Variants in CALN1 observed in about 807,000 individuals in gnomAD.
The protein encoded by CALN1 is calcium-binding protein 8.
In CALN1, 17 loss-of-function variants were observed where a neutral mutation model predicts 30.6. The ratio of observed to expected loss-of-function variants is 0.56; its 90% CI spans 0.38 to 0.83. The LOEUF is 0.83. CALN1 is among the 40% of genes least tolerant of loss of function. CALN1 has a pLI of 0.00. For missense variants in CALN1, 291 were observed against 354.9 expected, an observed-to-expected ratio of 0.82 and a Z score of 1.45; for synonymous variants, 156 against 131.4, an observed-to-expected ratio of 1.19 and a Z score of -1.28.
At chr7:72,273,696 A>G (rs937056159) in intron 3 of CALN1, among the ~76,000 whole-genome samples, 3 of 151,698 alleles carry the variant, frequency 2.0e-5, no homozygotes, top group Admixed American at 6.6e-5. Context: ...TTTTTTGTAG[A>G]GACAGGGTCT....
chr7:71,897,277 G>C (rs984265111), intron 5 of CALN1, among the ~76,000 whole-genome samples: 1 of 152,156 alleles, frequency 6.6e-6, no homozygotes, highest in African/African-American at 2.4e-5. Context: ...GAGAATTTGG[G>C]AACTGTTGCA....
In CALN1 at chr7:71,873,527, C is replaced by A. The variant is rs549968660; in HGVS notation, c.502-63035G>T. 7.9e-5 allele frequency among the ~76,000 whole-genome samples: 12 copies of A among 152,238 alleles called. No individual in the cohort carries two copies. The South Asian group carries it at 2.1e-3, about 26-fold the overall frequency. Reference sequence around the variant, plus strand: ...TCTGAGTCCAATGTTCTCATCTAACCCAGTTCTTCTCAAAAGCGTAGTGCA... The same window carrying A: ...TCTGAGTCCAATGTTCTCATCTAACACAGTTCTTCTCAAAAGCGTAGTGCA... On this transcript the variant is annotated intron_variant, in intron 5 of 6. Transcript: ENST00000395275.
intron 3 of CALN1, among the ~76,000 whole-genome samples, chr7:72,251,670 G>A (rs1027910379): frequency 2.0e-5 from 3 of 152,122 alleles, no homozygotes; most frequent in Non-Finnish European, 4.4e-5. Context: ...CAAAGTGCTA[G>A]GATTACAGGC....
chr7:71,814,462 T>C (rs1414284622), intron 5 of CALN1, among the ~76,000 whole-genome samples: 1 of 152,112 alleles, frequency 6.6e-6, no homozygotes, highest in Non-Finnish European at 1.5e-5. Context: ...GGGAGGAGTA[T>C]ATTTTGCAGC....
chr7:72,300,417 AC>A (rs1222956207), intron 2 of CALN1, among the ~76,000 whole-genome samples: 1 of 151,784 alleles, frequency 6.6e-6, no homozygotes. Context: ...AACAACAACA[AC>A]AAAAAAGATA....
chr7:71,977,068 A>T (rs907285207), intron 5 of CALN1, among the ~76,000 whole-genome samples: 1 of 152,208 alleles, frequency 6.6e-6, no homozygotes, highest in Non-Finnish European at 1.5e-5. Context: ...CTGTCTGCTT[A>T]TGAGTTGACT....
At chr7:71,991,678 C>A (rs547357338) in intron 5 of CALN1, among the ~76,000 whole-genome samples, 1 of 152,298 alleles carries the variant, frequency 6.6e-6, no homozygotes, top group South Asian at 2.1e-4. Context: ...AACTTATTTT[C>A]TACAAAGAAC....
At chr7:72,317,104 A>G (rs532998465) in intron 2 of CALN1, among the ~76,000 whole-genome samples, 54 of 39,768 alleles carry the variant, frequency 1.4e-3, no homozygotes, top group African/African-American at 5.7e-3. Flanking sequence ...GGGAGGGAGG[A>G]AGGGAGGGAG....
chr7:71,980,657 C>T (rs888886534), intron 5 of CALN1, among the ~76,000 whole-genome samples: 8 of 152,156 alleles, frequency 5.3e-5, no homozygotes, highest in African/African-American at 1.9e-4. Flanking sequence ...CACTTCCACG[C>T]CCTCTGCAAC....
At chr7:72,046,159 A>G (rs1046586511) in intron 4 of CALN1, among the ~76,000 whole-genome samples, 2 of 152,022 alleles carry the variant, frequency 1.3e-5, no homozygotes, top group African/African-American at 2.4e-5. Context: ...TAAGAAATAC[A>G]AAAATAAGCT....
chr7:71,956,857 T>G (rs1796986187), intron 5 of CALN1, among the ~76,000 whole-genome samples: 1 of 151,940 alleles, frequency 6.6e-6, no homozygotes. Flanking sequence ...CCATCACGCC[T>G]GGCTAATTTA....
chr7:71,941,449 T>C (rs1410172186), intron 5 of CALN1, among the ~76,000 whole-genome samples: 2 of 151,908 alleles, frequency 1.3e-5, no homozygotes, highest in East Asian at 3.9e-4. Context: ...CCTCTAAAAT[T>C]GATGGTACCT....
At chr7:72,081,404 A>AGGGG (rs1419853018) in intron 4 of CALN1, among the ~76,000 whole-genome samples, 2 of 28,612 alleles carry the variant, frequency 7.0e-5, no homozygotes, top group Admixed American at 3.9e-4. Context: ...GCAAAATCAT[A>AGGGG]GGGTGTGTGT....
chr7:72,495,483 A>T, the CALN1 span, among the ~76,000 whole-genome samples: 1 of 152,212 alleles, frequency 6.6e-6, no homozygotes, highest in Non-Finnish European at 1.5e-5. Context: ...CATTGCAGGG[A>T]ACAAGGCACA....
chr7:72,205,623 CTT>C (rs1362601888), intron 3 of CALN1, among the ~76,000 whole-genome samples: 2 of 128,250 alleles, frequency 1.6e-5, no homozygotes, highest in East Asian at 5.7e-4. Flanking sequence ...TTGGAAATAT[CTT>C]ATCTCAATTT....
intron 3 of CALN1, among the ~76,000 whole-genome samples, chr7:72,174,596 A>G (rs1789201722): frequency 6.6e-6 from 1 of 152,222 alleles, no homozygotes; most frequent in Admixed American, 6.5e-5. Flanking sequence ...ACAGATACAT[A>G]ACAACACAGA....
intron 5 of CALN1, among the ~76,000 whole-genome samples, chr7:71,952,170 G>T (rs1490697488): frequency 1.3e-5 from 2 of 152,146 alleles, no homozygotes; most frequent in African/African-American, 4.8e-5. Context: ...CTGATCTGTT[G>T]AATTGGATAT....
At chr7:72,068,490 T>TTTTG (rs58629331) in intron 4 of CALN1, among the ~76,000 whole-genome samples, 14 of 151,910 alleles carry the variant, frequency 9.2e-5, no homozygotes, top group African/African-American at 3.1e-4. Flanking sequence ...GGGCCTCCTG[T>TTTTG]TTTGTTTGTT....
At chr7:72,361,083 T>C (rs937664977) in intron 2 of CALN1, among the ~76,000 whole-genome samples, 2 of 152,200 alleles carry the variant, frequency 1.3e-5, no homozygotes, top group African/African-American at 2.4e-5. Context: ...AATGAGAATG[T>C]ACTACTTTTC....
Sources: allele counts gnomAD v4.1 joint callset (sites outside exome capture counted in the v4.1 genomes callset), GRCh38; gene constraint gnomAD v4.1.1; transcripts MANE v1.5; gene names NCBI Gene and HGNC (gene_info 2026-07-23, HGNC 2026-07-21).